MLIP: variants seen among roughly 807,000 people sequenced by gnomAD.
MLIP encodes the protein muscular LMNA-interacting protein.
A neutral mutation model predicts 84.8 loss-of-function variants in MLIP; 79 were observed. The ratio of observed to expected loss-of-function variants is 0.93; its 90% CI spans 0.78 to 1.12. The LOEUF (loss-of-function observed/expected upper bound fraction) is 1.12. Among genes scored for constraint, MLIP ranks in the 50% most tolerant of loss-of-function variants. MLIP has a pLI of 0.00. For synonymous variants in MLIP, 504 were observed against 463.0 expected, an observed-to-expected ratio of 1.09 and a Z score of -1.14; for missense variants, 1,257 against 1,160.6, an observed-to-expected ratio of 1.08 and a Z score of -1.21.
At chr6:54,216,240 A>C in intron 11 of MLIP, 1 of 985,336 alleles carries the variant, frequency 1.0e-6, no homozygotes, top group Non-Finnish European at 1.2e-6. Context: ...TAAAGGGTCA[A>C]CTGAATATAT....
At chr6:54,190,506 A>T (rs1451482649) in intron 10 of MLIP, among the ~76,000 whole-genome samples, 2 of 152,158 alleles carry the variant, frequency 1.3e-5, no homozygotes, top group Non-Finnish European at 2.9e-5. Context: ...ATGGATAAGC[A>T]GTATAAAAAT....
intron 1 of MLIP, among the ~76,000 whole-genome samples, chr6:54,060,160 T>C (rs966969069): frequency 2.6e-5 from 4 of 152,208 alleles, no homozygotes; most frequent in Non-Finnish European, 5.9e-5. Context: ...GTACTCTCCC[T>C]GGAAAGTCTA....
chr6:54,215,980 C>A, intron 11 of MLIP: 1 of 206,576 alleles, frequency 4.8e-6, no homozygotes, highest in Non-Finnish European at 8.5e-6. Context: ...GGAATTCATT[C>A]ATGTTATTGG....
chr6:54,064,518 C>T (rs2150337198), intron 1 of MLIP, among the ~76,000 whole-genome samples: 1 of 100,166 alleles, frequency 1.0e-5, no homozygotes, highest in Admixed American at 9.4e-5. Context: ...CACCCACCAC[C>T]ACCGCACCCC....
chr6:54,251,441 C>CAGATATATATATATATAT (rs756859263), intron 12 of MLIP, among the ~76,000 whole-genome samples: 1 of 88,982 alleles, frequency 1.1e-5, no homozygotes, highest in African/African-American at 7.1e-5. Context: ...TGAAACAAGC[C>CAGATATATATATATATAT]ATATATATAT....
intron 11 of MLIP, among the ~76,000 whole-genome samples, chr6:54,205,816 GA>G (rs1368221139): frequency 3.3e-5 from 5 of 152,178 alleles, no homozygotes; most frequent in African/African-American, 1.2e-4. Flanking sequence ...ATGCTTTTCT[GA>G]AATTGTCTTC....
At chr6:54,194,629 A>C (rs1186207430) in intron 10 of MLIP, among the ~76,000 whole-genome samples, 1 of 152,132 alleles carries the variant, frequency 6.6e-6, no homozygotes, top group African/African-American at 2.4e-5. Flanking sequence ...TGCCATATTT[A>C]TAATTGCAAA....
intron 1 of MLIP, among the ~76,000 whole-genome samples, chr6:54,086,322 C>T (rs1396522377): frequency 6.6e-6 from 1 of 151,994 alleles, no homozygotes. Context: ...TCTAAAAGAC[C>T]CCTCCCACCT....
chr6:54,140,213 C>G (rs1772173221), intron 4 of MLIP, among the ~76,000 whole-genome samples: 1 of 152,032 alleles, frequency 6.6e-6, no homozygotes, highest in Non-Finnish European at 1.5e-5. Flanking sequence ...ACTCTAGAAG[C>G]TTTTTCAAAG....
chr6:54,045,753 G>A (rs76884796), intron 1 of MLIP: 8,626 of 153,158 alleles, frequency 0.056, 778 homozygotes, highest in African/African-American at 0.19. Context: ...CGTGCAAAAC[G>A]TAACTCCTTC....
At chr6:54,252,154 T>TATAATATATAACTATATTATAAC (rs1481974958) in intron 12 of MLIP, among the ~76,000 whole-genome samples, 20 of 101,704 alleles carry the variant, frequency 2.0e-4, no homozygotes, top group Admixed American at 5.7e-4. Flanking sequence ...TAATATAACA[T>TATAATATATAACTATATTATAAC]ATAATATATA....
At chr6:54,117,061 G>T (rs920164285) in intron 1 of MLIP, among the ~76,000 whole-genome samples, 1 of 152,014 alleles carries the variant, frequency 6.6e-6, no homozygotes, top group Non-Finnish European at 1.5e-5. Context: ...CATGATAAAA[G>T]CTCTCAACAA....
intron 1 of MLIP, among the ~76,000 whole-genome samples, chr6:54,041,650 C>G (rs1764749000): frequency 6.6e-6 from 1 of 152,064 alleles, no homozygotes; most frequent in Non-Finnish European, 1.5e-5. Context: ...CTCATCATGG[C>G]TTGAACTTGC....
intron 12 of MLIP, among the ~76,000 whole-genome samples, chr6:54,235,863 T>A (rs1416334306): frequency 6.6e-6 from 1 of 152,188 alleles, no homozygotes; most frequent in Non-Finnish European, 1.5e-5. Flanking sequence ...TGTGGTGTTC[T>A]CATTCCTTTC....
At chr6:54,149,000 T>C in intron 4 of MLIP, 56 bp from the exon 5 acceptor site, 4 of 1,403,752 alleles carry the variant, frequency 2.8e-6, no homozygotes, top group East Asian at 2.3e-5. Flanking sequence ...CTGAAAATTA[T>C]GTCATATTCT....
intron 1 of MLIP, among the ~76,000 whole-genome samples, chr6:54,098,115 A>T (rs1768344957): frequency 6.7e-6 from 1 of 149,116 alleles, no homozygotes; most frequent in East Asian, 2.0e-4. Flanking sequence ...AAAGAGGAGG[A>T]TGCCGAATGT....
intron 10 of MLIP, among the ~76,000 whole-genome samples, chr6:54,197,643 G>T (rs1722033458): frequency 6.6e-6 from 1 of 151,970 alleles, no homozygotes; most frequent in African/African-American, 2.4e-5. Context: ...CACATAGGCT[G>T]GAAAGAAAAT....
intron 1 of MLIP, among the ~76,000 whole-genome samples, chr6:54,034,259 C>A (rs1431508522): frequency 6.6e-6 from 1 of 152,136 alleles, no homozygotes; most frequent in Non-Finnish European, 1.5e-5. Context: ...ATACATGAAA[C>A]CCCTGATAAT....
intron 9 of MLIP, among the ~76,000 whole-genome samples, chr6:54,171,149 C>CG (rs1048054797): frequency 8.6e-5 from 13 of 151,564 alleles, no homozygotes; most frequent in Non-Finnish European, 1.5e-4. Flanking sequence ...GATTCTGGAG[C>CG]GGCTTCTTCA....
Sources: allele counts gnomAD v4.1 joint callset (sites outside exome capture counted in the v4.1 genomes callset), GRCh38; gene constraint gnomAD v4.1.1; transcripts MANE v1.5; gene names NCBI Gene and HGNC (gene_info 2026-07-23, HGNC 2026-07-21).